Variants in GLDC observed in about 807,000 individuals in gnomAD.
GLDC encodes glycine dehydrogenase (decarboxylating), mitochondrial.
In GLDC, 104 loss-of-function variants were observed where a neutral mutation model predicts 121.3. The ratio of observed to expected loss-of-function variants is 0.86; its 90% confidence interval spans 0.73 to 1.01. GLDC has a LOEUF of 1.01. Ranked by LOEUF, GLDC falls within the 50% of genes least tolerant of loss-of-function variation. The probability of loss-of-function intolerance (pLI) is 0.00; values close to 1 mark genes in which losing one functional copy is unlikely to be tolerated. For synonymous variants in GLDC, 546 were observed against 480.6 expected (o/e 1.14, Z -1.78); for missense variants, 1,429 against 1,306.6 (o/e 1.09, Z -1.44).
intron 2 of GLDC, among the ~76,000 whole-genome samples, chr9:6,642,435 G>A (rs1819648562): frequency 6.6e-6 from 1 of 152,180 alleles, no homozygotes; most frequent in Non-Finnish European, 1.5e-5. Flanking sequence ...GGAGGCTGAG[G>A]CAGGAGAATG....
At chr9:6,538,574 T>C (rs1026316152) in intron 22 of GLDC, among the ~76,000 whole-genome samples, 4 of 152,244 alleles carry the variant, frequency 2.6e-5, no homozygotes, top group Non-Finnish European at 2.9e-5. Context: ...GTGCCTACTA[T>C]GTGCCAGGCA....
chr9:6,643,485 GAA>G (rs948360210), intron 2 of GLDC, among the ~76,000 whole-genome samples: 7 of 150,562 alleles, frequency 4.6e-5, no homozygotes, highest in Non-Finnish European at 5.9e-5. Flanking sequence ...GACTCTAGAA[GAA>G]AAAGAGATAA....
chr9:6,604,188 G>A (rs190766971), intron 7 of GLDC, among the ~76,000 whole-genome samples: 1 of 152,282 alleles, frequency 6.6e-6, no homozygotes, highest in Admixed American at 6.5e-5. Flanking sequence ...CCTCTAGGAA[G>A]GAACGCGGAG....
At chr9:6,600,536 T>C (rs1250196649) in intron 8 of GLDC, among the ~76,000 whole-genome samples, 1 of 151,776 alleles carries the variant, frequency 6.6e-6, no homozygotes, top group East Asian at 1.9e-4. Flanking sequence ...ATTATCTGGG[T>C]GTGGTGGCCT....
chr9:6,596,689 G>C (rs1271390373), intron 8 of GLDC, among the ~76,000 whole-genome samples: 3 of 152,216 alleles, frequency 2.0e-5, no homozygotes, highest in African/African-American at 4.8e-5. Flanking sequence ...ACCACAGTGA[G>C]ATTATCACTT....
At position 6,534,797 on chromosome 9, in the gene GLDC, G is replaced by C. The variant is rs773088488; in HGVS notation, c.2839-9C>G. 6.5e-7 allele frequency: 1 copy of C among 1,534,468 alleles called. No individual in the cohort carries two copies. The highest frequency in any genetic ancestry group is 1.1e-5 in the South Asian group (1 of 89,530). ...AGGGAGTGTGGAGACATCTGAGACA[G>C]AGACACGGACAGAGGAGGGGTCAGA... On this transcript the variant is annotated splice_polypyrimidine_tract_variant and intron_variant, in intron 23 of 24. Coordinates refer to ENST00000321612, the MANE Select transcript of GLDC (RefSeq NM_000170.3).
At chr9:6,558,409 G>A in intron 17 of GLDC, 150 bp downstream of exon 17, 1 of 859,056 alleles carries the variant, frequency 1.2e-6, no homozygotes, top group African/African-American at 1.7e-5. Context: ...GTTGGTGATG[G>A]GAGGGGTAGA....
intron 3 of GLDC, among the ~76,000 whole-genome samples, chr9:6,619,963 G>C (rs916191400): frequency 6.6e-6 from 1 of 152,206 alleles, no homozygotes; most frequent in Admixed American, 6.5e-5. Context: ...CATCCTAGTA[G>C]ATTTTATGGG....
At chr9:6,642,215 G>A (rs947100150) in intron 2 of GLDC, among the ~76,000 whole-genome samples, 2 of 152,170 alleles carry the variant, frequency 1.3e-5, no homozygotes, top group African/African-American at 4.8e-5. Flanking sequence ...AGCTCAAAAT[G>A]TCACAGAAGC....
At chr9:6,621,760 C>T (rs1819100788) in intron 2 of GLDC, among the ~76,000 whole-genome samples, 1 of 152,208 alleles carries the variant, frequency 6.6e-6, no homozygotes, top group East Asian at 1.9e-4. Context: ...TCGTGATCCG[C>T]CCACCTCAGC....
chr9:6,605,302 C>A (rs775838335), intron 5 of GLDC, 24 bp from the exon 6 acceptor site: 2 of 1,612,600 alleles, frequency 1.2e-6, no homozygotes, highest in Non-Finnish European at 8.5e-7. Flanking sequence ...CAACAAAGAA[C>A]AATCGTGCTT....
intron 2 of GLDC, among the ~76,000 whole-genome samples, chr9:6,629,466 C>A (rs1430768845): frequency 2.0e-5 from 3 of 151,976 alleles, no homozygotes; most frequent in African/African-American, 7.3e-5. Context: ...CTGCCTGCCT[C>A]GGCCCCCAAG....
intron 2 of GLDC, chr9:6,623,056 C>A (rs575611022): frequency 5.6e-6 from 1 of 180,082 alleles, no homozygotes; most frequent in South Asian, 8.3e-5. Flanking sequence ...CTCTGCCCCG[C>A]CGCCCCTACG....
At chr9:6,608,697 G>A (rs1818788912) in intron 4 of GLDC, among the ~76,000 whole-genome samples, 1 of 152,084 alleles carries the variant, frequency 6.6e-6, no homozygotes, top group African/African-American at 2.4e-5. Context: ...AGTGAGCAGA[G>A]ATCACGCCAC....
In GLDC at chr9:6,536,255, G is replaced by A. The variant is rs1167067329; in HGVS notation, c.2666-19C>T. 4 of 1,610,040 alleles carry A rather than the reference G, an allele frequency of 2.5e-6. No individual in the cohort carries two copies. The highest frequency in any genetic ancestry group is 2.2e-5 in the East Asian group (1 of 44,750). On this transcript the variant is annotated intron_variant, in intron 22 of 24. Transcript: ENST00000321612. ...TGAAATCCTGCAAAGGGAGACAGGA[G>A]AACTTGCCTCACTGAAGGTCAGTGG...
At chr9:6,587,537 G>T (rs905672648) in intron 14 of GLDC, among the ~76,000 whole-genome samples, 1 of 152,110 alleles carries the variant, frequency 6.6e-6, no homozygotes, top group South Asian at 2.1e-4. Context: ...AACTTTTCAG[G>T]GAAGAAAAGC....
At chr9:6,548,277 G>A (rs1164214115) in intron 21 of GLDC, among the ~76,000 whole-genome samples, 2 of 152,142 alleles carry the variant, frequency 1.3e-5, no homozygotes, top group East Asian at 1.9e-4. Flanking sequence ...TCCGTGTTGA[G>A]CATATATACA....
At chr9:6,576,788 T>A (rs997269986) in intron 15 of GLDC, among the ~76,000 whole-genome samples, 22 of 152,296 alleles carry the variant, frequency 1.4e-4, no homozygotes, top group African/African-American at 4.8e-4. Flanking sequence ...TTTCAACAGG[T>A]GAATTTTGAA....
At chr9:6,553,583 T>G in intron 19 of GLDC, 74 bp from the exon 20 acceptor site, 1 of 1,434,856 alleles carries the variant, frequency 7.0e-7, no homozygotes, top group Non-Finnish European at 9.8e-7. Context: ...TTCTGGGCCC[T>G]CCCAGAAAGC....
Sources: gnomAD v4.1 joint callset for allele counts (sites outside exome capture counted in the v4.1 genomes callset) on GRCh38, gnomAD v4.1.1 for gene constraint, MANE v1.5 for transcripts, NCBI Gene and HGNC (gene_info 2026-07-23, HGNC 2026-07-21) for gene names.